The following TTC7A variants were observed in gnomAD, a reference collection of about 807,000 sequenced individuals.
TTC7A encodes tetratricopeptide repeat protein 7A.
In TTC7A, 110 loss-of-function variants were observed where a neutral mutation model predicts 103.7. That is an observed-to-expected ratio of 1.06 (90% CI 0.91 to 1.24). The LOEUF is 1.24. TTC7A is among the 50% of genes most tolerant of loss of function. The probability of loss-of-function intolerance (pLI) is 0.00; values close to 1 mark genes in which losing one functional copy is unlikely to be tolerated. For missense variants in TTC7A, 1,340 were observed against 1,116.3 expected, an observed-to-expected ratio of 1.20 and a Z score of -2.86; for synonymous variants, 521 against 467.9, an observed-to-expected ratio of 1.11 and a Z score of -1.47.
Position 46,949,177 on chromosome 2 carries a change from C to T in TTC7A, c.185-1186C>T, listed in dbSNP as rs941527031. On this transcript the variant is annotated intron_variant, in intron 1 of 19. Transcript: ENST00000319190. ...CTGTAGGTAGCAGGAATCTGGTGGT[C>T]ACAAGACGAGTTTTCAGTGTGGTAA... 4.6e-5 allele frequency among the ~76,000 whole-genome samples: 7 copies of T among 152,308 alleles called. No homozygotes were observed. The East Asian group carries it at 1.4e-3, about 29-fold the overall frequency.
intron 3 of TTC7A, among the ~76,000 whole-genome samples, chr2:46,967,650 G>C (rs1865261): frequency 0.68 from 103,328 of 151,922 alleles, 35,589 homozygotes; most frequent in East Asian, 0.74. Context: ...TTTTGTTTAT[G>C]TGTTCATCTG....
chr2:46,926,913 A>C (rs1445252785), intron 2 of TTC7A, among the ~76,000 whole-genome samples: 1 of 152,258 alleles, frequency 6.6e-6, no homozygotes, highest in African/African-American at 2.4e-5. Flanking sequence ...AAAAGCTACA[A>C]AAAGTAACAA....
chr2:47,015,300 C>G (rs970413058), intron 11 of TTC7A, among the ~76,000 whole-genome samples: 3 of 152,200 alleles, frequency 2.0e-5, no homozygotes, highest in Non-Finnish European at 2.9e-5. Flanking sequence ...AAAGTTGAAA[C>G]CTTTACAGGA....
At chr2:46,995,244 T>C (rs747369919) in intron 8 of TTC7A, 45 bp downstream of exon 8, 2 of 1,603,844 alleles carry the variant, frequency 1.2e-6, no homozygotes, top group Non-Finnish European at 1.7e-6. Context: ...CCTCTGACCC[T>C]GTGGGGAAGG....
intron 8 of TTC7A, among the ~76,000 whole-genome samples, chr2:46,997,198 T>C (rs1204634200): frequency 6.6e-6 from 1 of 152,056 alleles, no homozygotes; most frequent in Non-Finnish European, 1.5e-5. Flanking sequence ...AGGCCAGTCA[T>C]GAACTCTTGA....
In TTC7A at chr2:47,051,752, G is replaced by C. The variant is rs532590528; in HGVS notation, c.2024G>C (p.Arg675Pro). The change falls in exon 18 of 20, where the codon CGG becomes CCG. Residue 675 changes from arginine (R) to proline (P), a missense_variant. Transcript: ENST00000319190. ...PDAHDADSGS[R>P]RASSIAASRL... is the part of the protein sequence containing the mutation. ...GTGCCCTCTTGCTCTGCAGGCTCCC[G>C]GCGGGCTTCGTCCATCGCCGCCTCC... is the stretch of plus-strand genomic sequence containing the variant. 2 of 1,609,450 alleles carry C rather than the reference G, an allele frequency of 1.2e-6. No homozygotes were observed. Among genetic ancestry groups the C allele is most frequent in the Admixed American group, 3.3e-5 (2 of 59,956 alleles).
intron 2 of TTC7A, among the ~76,000 whole-genome samples, chr2:46,929,908 C>T (rs1166113421): frequency 6.6e-6 from 1 of 152,206 alleles, no homozygotes; most frequent in African/African-American, 2.4e-5. Flanking sequence ...CATCTCTTCT[C>T]CTTCTGCCAT....
In TTC7A at chr2:47,046,417, C is replaced by T. The variant is rs776451440; in HGVS notation, c.1905C>T (p.Ser635=). ...QVLRLWQTLY[S]FSQLGGLEKD... Reference sequence around the variant, plus strand: ...TGAGGCTGTGGCAGACCCTGTACAGCTTCTCCCAGCTGGGGTGAGTGGCCG... The same window carrying T: ...TGAGGCTGTGGCAGACCCTGTACAGTTTCTCCCAGCTGGGGTGAGTGGCCG... Residue 635 remains serine, a synonymous_variant, in exon 16 of 20, where the codon AGC becomes AGT. Coordinates refer to ENST00000319190, the MANE Select transcript of TTC7A (RefSeq NM_020458.4). 4.3e-6 allele frequency: 7 copies of T among 1,614,048 alleles called. No homozygotes were observed. The Admixed American group carries it at 5.0e-5, about 12-fold the overall frequency.
chr2:46,968,290 G>T (rs1673031404), intron 3 of TTC7A, among the ~76,000 whole-genome samples: 1 of 152,220 alleles, frequency 6.6e-6, no homozygotes, highest in Admixed American at 6.5e-5. Context: ...GCCCTTGCCG[G>T]TGGGAATCAC....
chr2:47,037,080 A>G (rs1326532531), intron 15 of TTC7A, among the ~76,000 whole-genome samples: 2 of 152,142 alleles, frequency 1.3e-5, no homozygotes, highest in African/African-American at 4.8e-5. Context: ...CTCCCACTAT[A>G]GGCCTTTGTC....
At chr2:47,048,442 C>T (rs1243178110) in intron 16 of TTC7A, among the ~76,000 whole-genome samples, 2 of 152,180 alleles carry the variant, frequency 1.3e-5, no homozygotes, top group East Asian at 1.9e-4. Context: ...CATGTTGTCT[C>T]ATTTGCTCCC....
chr2:47,058,781 G>A (rs1386941261), intron 18 of TTC7A, among the ~76,000 whole-genome samples: 2 of 152,224 alleles, frequency 1.3e-5, no homozygotes, highest in African/African-American at 4.8e-5. Context: ...CGTGGGGTGT[G>A]CCTGTGCCAC....
At chr2:46,917,054 T>C in intron 1 of TTC7A, 1 of 631,624 alleles carries the variant, frequency 1.6e-6, no homozygotes, top group Non-Finnish European at 2.8e-6. Context: ...GTTAGATGCC[T>C]TGAAAGTTGC....
chr2:47,049,929 G>C lies in TTC7A; in HGVS notation c.1920-20G>C. 1 of 1,605,210 alleles carries C rather than the reference G, an allele frequency of 6.2e-7. No individual in the cohort carries two copies. Among genetic ancestry groups the C allele is most frequent in the Non-Finnish European group, 8.5e-7 (1 of 1,172,318 alleles). ...CTAGCCCTCTACCTTACCGGACCCT[G>C]GCCCTCTTTTGCCTTCCAGAGGCCT... On this transcript the variant is annotated intron_variant, in intron 16 of 19. Transcript: ENST00000319190.
intron 15 of TTC7A, among the ~76,000 whole-genome samples, chr2:47,036,844 CTG>C (rs1450167213): frequency 2.0e-5 from 3 of 152,340 alleles, no homozygotes; most frequent in African/African-American, 7.2e-5. Flanking sequence ...GGTGACAGAA[CTG>C]TCTCTTTAAA....
chr2:46,959,932 C>T (rs1224562348), intron 3 of TTC7A, among the ~76,000 whole-genome samples: 1 of 152,190 alleles, frequency 6.6e-6, no homozygotes, highest in East Asian at 1.9e-4. Flanking sequence ...TTGTCCATGT[C>T]ACATTTGCTT....
At chr2:46,957,145 G>A in intron 3 of TTC7A, 138 bp downstream of exon 3, 2 of 1,108,154 alleles carry the variant, frequency 1.8e-6, no homozygotes, top group Non-Finnish European at 2.6e-6. Context: ...GTCTAAGGTG[G>A]ATGCCGGTGG....
intron 5 of TTC7A, among the ~76,000 whole-genome samples, chr2:46,987,809 C>T (rs6727461): frequency 0.096 from 13,821 of 144,494 alleles, 721 homozygotes; most frequent in African/African-American, 0.15. Flanking sequence ...CCTTTCCGCG[C>T]GTGTGTGTGT....
intron 5 of TTC7A, among the ~76,000 whole-genome samples, chr2:46,989,984 G>T (rs1040141212): frequency 6.6e-6 from 1 of 152,160 alleles, no homozygotes; most frequent in Non-Finnish European, 1.5e-5. Flanking sequence ...CAGTCCTTGC[G>T]GTGGAGTGGG....
Sources: gnomAD v4.1 joint callset for allele counts (sites outside exome capture counted in the v4.1 genomes callset) on GRCh38, gnomAD v4.1.1 for gene constraint, MANE v1.5 for transcripts, NCBI Gene and HGNC (gene_info 2026-07-23, HGNC 2026-07-21) for gene names.